Variants in SAMMSON observed in about 807,000 individuals in gnomAD.
SAMMSON encodes the protein survival associated mitochondrial melanoma specific oncogenic non-coding RNA.
At chr3:70,399,912 A>G (rs1488486767) in intron 2 of SAMMSON, among the ~76,000 whole-genome samples, 1 of 148,670 alleles carries the variant, frequency 6.7e-6, no homozygotes. Context: ...AACACCAACA[A>G]CAAAAATACT....
intron 1 of SAMMSON, among the ~76,000 whole-genome samples, chr3:70,002,298 A>T (rs1488160570): frequency 6.6e-6 from 1 of 152,232 alleles, no homozygotes; most frequent in Non-Finnish European, 1.5e-5. Context: ...ACAGCGTTGA[A>T]GGCCCCCATA....
intron 7 of SAMMSON, among the ~76,000 whole-genome samples, chr3:70,340,250 G>A (rs1702701592): frequency 7.2e-6 from 1 of 139,294 alleles, no homozygotes; most frequent in Non-Finnish European, 1.5e-5. Context: ...CGTGGGTTGG[G>A]GGGAGGGGGG....
At chr3:70,169,812 A>G (rs191828842) in intron 4 of SAMMSON, among the ~76,000 whole-genome samples, 1 of 151,944 alleles carries the variant, frequency 6.6e-6, no homozygotes, top group East Asian at 1.9e-4. Flanking sequence ...ATAGGAACAG[A>G]GCACCGAGGG....
intron 1 of SAMMSON, among the ~76,000 whole-genome samples, chr3:70,005,892 C>A (rs1175242530): frequency 6.6e-6 from 1 of 152,154 alleles, no homozygotes; most frequent in African/African-American, 2.4e-5. Context: ...TTGTTCTAAA[C>A]AGGCTTCAGT....
At chr3:70,382,392 TG>T (rs1256894878) in intron 9 of SAMMSON, among the ~76,000 whole-genome samples, 1 of 152,132 alleles carries the variant, frequency 6.6e-6, no homozygotes, top group Non-Finnish European at 1.5e-5. Flanking sequence ...GTTACATCAG[TG>T]GTTCTCAAAT....
At chr3:70,092,908 T>G (rs911599898) in intron 4 of SAMMSON, among the ~76,000 whole-genome samples, 2 of 149,802 alleles carry the variant, frequency 1.3e-5, no homozygotes, top group East Asian at 3.9e-4. Context: ...TTTTGTTTTT[T>G]TTTTTTTGTT....
Position 70,327,515 on chromosome 3 carries a change from G to A in SAMMSON, n.740-26660G>A, listed in dbSNP as rs191893896. On this transcript the variant is annotated intron_variant and non_coding_transcript_variant, in intron 7 of 9. Transcript: ENST00000642114. Reference sequence around the variant, plus strand: ...TAAGGCAGGTAGAATTCACATGTCTGTGTCCTGAAGAGAAGGCTGCAAGGA... The same window carrying A: ...TAAGGCAGGTAGAATTCACATGTCTATGTCCTGAAGAGAAGGCTGCAAGGA... 3.8e-3 allele frequency among the ~76,000 whole-genome samples: 582 copies of A among 152,284 alleles called. 12 individuals are homozygous for A. Among genetic ancestry groups the A allele is most frequent in the Admixed American group, 0.035 (528 of 15,282 alleles).
At chr3:70,133,074 C>G (rs960205053) in intron 4 of SAMMSON, among the ~76,000 whole-genome samples, 5 of 152,086 alleles carry the variant, frequency 3.3e-5, no homozygotes, top group Admixed American at 2.0e-4. Flanking sequence ...TTCTAGCACG[C>G]AGCTTCTACA....
intron 4 of SAMMSON, among the ~76,000 whole-genome samples, chr3:70,207,425 G>C (rs1701303245): frequency 6.6e-6 from 1 of 151,984 alleles, no homozygotes; most frequent in Non-Finnish European, 1.5e-5. Context: ...CCACATAACT[G>C]TCTGGCACAA....
chr3:70,048,772 G>C (rs1174190911), intron 3 of SAMMSON, among the ~76,000 whole-genome samples: 1 of 152,018 alleles, frequency 6.6e-6, no homozygotes, highest in African/African-American at 2.4e-5. Flanking sequence ...GCAGATCACA[G>C]CCCTGTAGTG....
At chr3:70,228,916 T>C (rs1701533831) in intron 4 of SAMMSON, among the ~76,000 whole-genome samples, 1 of 151,986 alleles carries the variant, frequency 6.6e-6, no homozygotes, top group African/African-American at 2.4e-5. Context: ...AGCTAAAAGG[T>C]GTGAGTTAGC....
chr3:70,236,911 A>G (rs1230465401), intron 4 of SAMMSON, among the ~76,000 whole-genome samples: 1 of 152,182 alleles, frequency 6.6e-6, no homozygotes, highest in Admixed American at 6.5e-5. Flanking sequence ...ACCTTTATTT[A>G]TGTAAAAAAT....
rs143964047 is a variant in SAMMSON, at chr3:70,025,541, C to A, written n.417+11869C>A. On this transcript the variant is annotated intron_variant and non_coding_transcript_variant, in intron 3 of 9. Transcript: ENST00000642114. ...TACAGGCATGAGCCACCGTGCCTAG[C>A]CTGTTTTATGTTTAAGTAGCTAACA... Among the ~76,000 whole-genome samples the A allele has an allele frequency of 8.5e-5, 13 of 152,320 alleles. No homozygotes were observed. In the East Asian group the frequency reaches 1.9e-3, roughly 23 times the overall value.
chr3:70,205,642 C>T (rs989689623), intron 4 of SAMMSON: 1 of 152,132 alleles, frequency 6.6e-6, no homozygotes, highest in African/African-American at 2.4e-5. Flanking sequence ...ATTTAAAAAA[C>T]GTGTCCAGTA....
intron 7 of SAMMSON, among the ~76,000 whole-genome samples, chr3:70,353,027 ATAAGT>A (rs1388248450): frequency 6.6e-6 from 1 of 152,076 alleles, no homozygotes; most frequent in East Asian, 1.9e-4. Flanking sequence ...TTGGACATCC[ATAAGT>A]TAAGAAACAA....
At chr3:70,075,620 A>ATTATATTAAAATGACCTGC (rs1210188408) in intron 4 of SAMMSON, among the ~76,000 whole-genome samples, 2 of 152,236 alleles carry the variant, frequency 1.3e-5, no homozygotes, top group East Asian at 3.9e-4. Context: ...TTTATTTTCT[A>ATTATATTAAAATGACCTGC]TTATATTAAA....
chr3:70,268,703 GCTT>G (rs1701947055), intron 6 of SAMMSON, among the ~76,000 whole-genome samples: 1 of 152,072 alleles, frequency 6.6e-6, no homozygotes, highest in Non-Finnish European at 1.5e-5. Context: ...ATTTTTAAGA[GCTT>G]CTTTTTAAAA....
chr3:70,310,613 G>A (rs1421876977), intron 7 of SAMMSON, among the ~76,000 whole-genome samples: 4 of 151,940 alleles, frequency 2.6e-5, no homozygotes, highest in South Asian at 4.2e-4. Context: ...TGATCCACCC[G>A]CCTCGGCCTC....
intron 4 of SAMMSON, chr3:70,126,871 A>C (rs1169471768): frequency 6.4e-6 from 1 of 156,708 alleles, no homozygotes. Context: ...ATGTGCCACT[A>C]TGCTGGGTAA....
Sources: allele counts gnomAD v4.1 joint callset (sites outside exome capture counted in the v4.1 genomes callset), GRCh38; gene constraint gnomAD v4.1.1; transcripts MANE v1.5; gene names NCBI Gene and HGNC (gene_info 2026-07-23, HGNC 2026-07-21).